The following SPMIP2 variants were observed in gnomAD, a reference collection of about 807,000 sequenced individuals.
SPMIP2 encodes the protein protein SPMIP2.
chr4:159,010,923 A>G, the SPMIP2 span, among the ~76,000 whole-genome samples: 925 of 152,308 alleles, frequency 6.1e-3, 8 homozygotes, highest in African/African-American at 0.021. Flanking sequence ...ATTCTAAAAT[A>G]GTAACATCTT....
At chr4:158,935,770 G>GT in the SPMIP2 span, among the ~76,000 whole-genome samples, 2 of 152,210 alleles carry the variant, frequency 1.3e-5, no homozygotes, top group African/African-American at 4.8e-5. Flanking sequence ...TCAGCCTTCA[G>GT]TGAGGAAAGG....
At chr4:158,967,112 A>T in the SPMIP2 span, among the ~76,000 whole-genome samples, 171 of 152,348 alleles carry the variant, frequency 1.1e-3, no homozygotes, top group African/African-American at 3.8e-3. Context: ...AAAAGGAAGC[A>T]TCAAACATAA....
chr4:159,018,886 C>A, the SPMIP2 span, among the ~76,000 whole-genome samples: 8 of 152,182 alleles, frequency 5.3e-5, 1 homozygote, highest in Middle Eastern at 6.8e-3. Flanking sequence ...GTCAGGAGAT[C>A]GTGACCATCC....
chr4:158,985,728 C>A, the SPMIP2 span, among the ~76,000 whole-genome samples: 2 of 150,368 alleles, frequency 1.3e-5, no homozygotes, highest in South Asian at 4.2e-4. Flanking sequence ...TGGCACAAGA[C>A]AGGGATGCCC....
At chr4:159,042,584 C>T in the SPMIP2 span, among the ~76,000 whole-genome samples, 1 of 152,342 alleles carries the variant, frequency 6.6e-6, no homozygotes, top group East Asian at 1.9e-4. Flanking sequence ...CAAAACAACA[C>T]AATTTTGGGT....
chr4:158,976,711 C>A, the SPMIP2 span, among the ~76,000 whole-genome samples: 5 of 129,578 alleles, frequency 3.9e-5, no homozygotes, highest in African/African-American at 6.0e-5. Flanking sequence ...TGTCACCAGG[C>A]TGGAGTGCAG....
chr4:158,967,737 A>C, the SPMIP2 span, among the ~76,000 whole-genome samples: 1 of 152,204 alleles, frequency 6.6e-6, no homozygotes. Context: ...GAAATTCTGA[A>C]ATATGTATTT....
the SPMIP2 span, among the ~76,000 whole-genome samples, chr4:159,077,736 C>T: frequency 6.6e-6 from 1 of 152,084 alleles, no homozygotes; most frequent in African/African-American, 2.4e-5. Flanking sequence ...AGTGTTAAAG[C>T]ATGATACAAA....
chr4:158,970,876 C>G, the SPMIP2 span, among the ~76,000 whole-genome samples: 1 of 152,218 alleles, frequency 6.6e-6, no homozygotes, highest in East Asian at 1.9e-4. Context: ...ATATTCCAAG[C>G]AGTTTCTGAG....
the SPMIP2 span, among the ~76,000 whole-genome samples, chr4:158,984,927 G>C: frequency 6.6e-6 from 1 of 150,538 alleles, no homozygotes; most frequent in Non-Finnish European, 1.5e-5. Flanking sequence ...TCAAATAGAC[G>C]CAATAAAAAA....
the SPMIP2 span, among the ~76,000 whole-genome samples, chr4:158,964,239 G>T: frequency 0.054 from 8,225 of 152,064 alleles, 752 homozygotes; most frequent in African/African-American, 0.19. Context: ...GCCTCTGAAT[G>T]TTGAGAATGG....
the SPMIP2 span, among the ~76,000 whole-genome samples, chr4:158,932,786 A>C: frequency 6.6e-6 from 1 of 152,200 alleles, no homozygotes; most frequent in Non-Finnish European, 1.5e-5. Context: ...TTCAACTTCC[A>C]GTGACTGGTA....
chr4:159,028,769 A>C, the SPMIP2 span, among the ~76,000 whole-genome samples: 3 of 152,194 alleles, frequency 2.0e-5, no homozygotes, highest in African/African-American at 7.2e-5. Context: ...TTTGTTTATA[A>C]GGTTTTTATA....
the SPMIP2 span, among the ~76,000 whole-genome samples, chr4:158,914,313 G>A: frequency 2.5e-4 from 38 of 152,164 alleles, no homozygotes. Flanking sequence ...ATCTACTGAG[G>A]AGGACAGCTA....
the SPMIP2 span, among the ~76,000 whole-genome samples, chr4:158,932,519 T>G: frequency 6.6e-6 from 1 of 152,192 alleles, no homozygotes; most frequent in African/African-American, 2.4e-5. Context: ...ATAGTTTTTG[T>G]CTGGTAAATC....
the SPMIP2 span, among the ~76,000 whole-genome samples, chr4:158,997,446 T>C: frequency 6.6e-6 from 1 of 152,096 alleles, no homozygotes; most frequent in African/African-American, 2.4e-5. Flanking sequence ...GTCAGGCTGG[T>C]CTCAAACTCC....
the SPMIP2 span, among the ~76,000 whole-genome samples, chr4:159,020,835 C>A: frequency 6.6e-6 from 1 of 152,162 alleles, no homozygotes; most frequent in South Asian, 2.1e-4. Flanking sequence ...TATCTCGGCT[C>A]ACTGCAAGCT....
At chr4:158,964,179 AAACAAAAC>A in the SPMIP2 span, among the ~76,000 whole-genome samples, 110 of 74,666 alleles carry the variant, frequency 1.5e-3, 3 homozygotes, top group African/African-American at 3.8e-3. Flanking sequence ...AAACAAAACA[AAACAAAAC>A]AAAAAACATG....
the SPMIP2 span, among the ~76,000 whole-genome samples, chr4:159,080,815 C>A: frequency 6.6e-6 from 1 of 152,066 alleles, no homozygotes; most frequent in Non-Finnish European, 1.5e-5. Flanking sequence ...GCTCCACCTC[C>A]CAGGTTCACG....
Sources: allele counts gnomAD v4.1 joint callset (sites outside exome capture counted in the v4.1 genomes callset), GRCh38; gene constraint gnomAD v4.1.1; transcripts MANE v1.5; gene names NCBI Gene and HGNC (gene_info 2026-07-23, HGNC 2026-07-21).